SLC4A4: variants seen among roughly 807,000 people sequenced by gnomAD.
SLC4A4 encodes electrogenic sodium bicarbonate cotransporter 1.
In SLC4A4, 27 loss-of-function variants were observed where a neutral mutation model predicts 111.5. That is an observed-to-expected ratio of 0.24 (90% confidence interval 0.18 to 0.33). SLC4A4 has a LOEUF of 0.33. Ranked by LOEUF, SLC4A4 falls within the 10% of genes least tolerant of loss-of-function variation. The pLI, the probability that SLC4A4 is intolerant of heterozygous loss-of-function variation, is 1.00. For synonymous variants in SLC4A4, 443 were observed against 463.4 expected (o/e 0.96, Z 0.57); for missense variants, 909 against 1,315.5 (o/e 0.69, Z 4.78).
intron 2 of SLC4A4, among the ~76,000 whole-genome samples, chr4:71,146,137 G>A (rs1482251025): frequency 6.6e-6 from 1 of 152,084 alleles, no homozygotes; most frequent in African/African-American, 2.4e-5. Context: ...CAGAGATTCT[G>A]GTATGTTGTG....
intron 3 of SLC4A4, among the ~76,000 whole-genome samples, chr4:71,285,564 G>A (rs1177086167): frequency 6.6e-6 from 1 of 152,160 alleles, no homozygotes; most frequent in East Asian, 1.9e-4. Flanking sequence ...TGCTTATCTT[G>A]CAGGCACAGG....
intron 2 of SLC4A4, among the ~76,000 whole-genome samples, chr4:71,178,284 A>T (rs978368179): frequency 3.1e-5 from 4 of 129,714 alleles, no homozygotes; most frequent in African/African-American, 1.1e-4. Flanking sequence ...TTAAAGTATA[A>T]AAAAAAAAGA....
chr4:71,256,976 C>T (rs1157494404), intron 3 of SLC4A4, among the ~76,000 whole-genome samples: 1 of 152,152 alleles, frequency 6.6e-6, no homozygotes, highest in African/African-American at 2.4e-5. Context: ...AAGAGGTGCT[C>T]ACCTAGACAA....
At chr4:71,285,961 A>C (rs1032914262) in intron 3 of SLC4A4, among the ~76,000 whole-genome samples, 4 of 152,108 alleles carry the variant, frequency 2.6e-5, no homozygotes, top group African/African-American at 9.7e-5. Flanking sequence ...ATTTCTGGCC[A>C]GGCGCAGTGG....
intron 1 of SLC4A4, among the ~76,000 whole-genome samples, chr4:71,204,214 A>G (rs1717603560): frequency 6.6e-6 from 1 of 152,158 alleles, no homozygotes; most frequent in Non-Finnish European, 1.5e-5. Flanking sequence ...TTTCCTGAAA[A>G]TTGATGATGA....
At chr4:71,114,232 C>T (rs542695111) in intron 2 of SLC4A4, among the ~76,000 whole-genome samples, 28 of 152,166 alleles carry the variant, frequency 1.8e-4, no homozygotes, top group South Asian at 4.2e-4. Flanking sequence ...GGTGACAGAG[C>T]GAGACTCGCT....
At chr4:71,536,592 G>C (rs1295663376) in intron 18 of SLC4A4, among the ~76,000 whole-genome samples, 1 of 149,976 alleles carries the variant, frequency 6.7e-6, no homozygotes, top group Admixed American at 6.7e-5. Context: ...TGCCTCCGGG[G>C]TTCAAGTGAT....
intron 2 of SLC4A4, among the ~76,000 whole-genome samples, chr4:71,240,623 G>A (rs141099293): frequency 1.9e-3 from 284 of 152,222 alleles, no homozygotes; most frequent in African/African-American, 6.6e-3. Context: ...GAGTGTTGTT[G>A]AAAATGCATG....
intron 24 of SLC4A4, among the ~76,000 whole-genome samples, chr4:71,564,346 A>T (rs961193826): frequency 4.6e-5 from 7 of 151,852 alleles, no homozygotes; most frequent in African/African-American, 1.7e-4. Context: ...ATTTGGAAAA[A>T]TTTAATTTTG....
intron 1 of SLC4A4, among the ~76,000 whole-genome samples, chr4:71,086,854 G>A (rs1463302178): frequency 6.6e-6 from 1 of 152,010 alleles, no homozygotes; most frequent in Non-Finnish European, 1.5e-5. Flanking sequence ...AGGGATATTG[G>A]TCTAAAATTC....
intron 3 of SLC4A4, among the ~76,000 whole-genome samples, chr4:71,265,526 C>T (rs541455565): frequency 6.6e-6 from 1 of 152,166 alleles, no homozygotes; most frequent in East Asian, 1.9e-4. Context: ...AGAATGCCAT[C>T]AAGAAAGACA....
intron 2 of SLC4A4, among the ~76,000 whole-genome samples, chr4:71,238,075 A>G (rs1719934238): frequency 6.6e-6 from 1 of 152,202 alleles, no homozygotes; most frequent in African/African-American, 2.4e-5. Flanking sequence ...GATACAAGCA[A>G]AGAGGAGTTA....
At chr4:71,551,590 A>G (rs565273483) in intron 20 of SLC4A4, among the ~76,000 whole-genome samples, 7 of 151,984 alleles carry the variant, frequency 4.6e-5, no homozygotes, top group Non-Finnish European at 8.8e-5. Flanking sequence ...CGTAAATAAT[A>G]GAGTCAAAAT....
At chr4:71,497,301 G>T (rs1730502474) in intron 15 of SLC4A4, among the ~76,000 whole-genome samples, 200 bp from the exon 16 acceptor site, 1 of 152,004 alleles carries the variant, frequency 6.6e-6, no homozygotes, top group African/African-American at 2.4e-5. Flanking sequence ...CATTCTCATT[G>T]TATTTTCAAC....
Position 71,472,840 on chromosome 4 carries a change from G to C in SLC4A4, c.1773G>C (p.Leu591=). ...TCACGGAGGAGGGCTTTTCCTCTCT[G>C]ATTAGCTTCATCTTTATCTATGATG... ...TRFTEEGFSS[L]ISFIFIYDAF... is the part of the protein sequence containing the mutation. The change falls in exon 14 of 26, where the codon CTG becomes CTC. Residue 591 remains leucine, a synonymous_variant. Coordinates refer to ENST00000264485, the MANE Select transcript of SLC4A4 (RefSeq NM_001098484.3). 6.2e-7 allele frequency: 1 copy of C among 1,612,904 alleles called. No homozygotes were observed.
At chr4:71,330,324 T>A (rs1054532601) in intron 3 of SLC4A4, among the ~76,000 whole-genome samples, 1 of 152,184 alleles carries the variant, frequency 6.6e-6, no homozygotes, top group African/African-American at 2.4e-5. Context: ...TCTCATAGAA[T>A]GAGTTTGGAA....
chr4:71,537,419 A>ATAT lies in SLC4A4; in HGVS notation c.2442+3032_2442+3034dup, dbSNP rs1676811223. Among the ~76,000 whole-genome samples the ATAT allele has an allele frequency of 3.9e-5, 4 of 103,442 alleles. No homozygotes were observed. The East Asian group carries it at 1.1e-3, about 30-fold the overall frequency. 67.9% of individuals were successfully genotyped at this position (103,442 alleles called of 152,430 possible). A position where few individuals can be genotyped will look rare whatever the true frequency, so the allele number is the denominator to read the frequency against. Reference sequence around the variant, plus strand: ...ATATATTATACATATATGTGTGTATATATACATATATGTGTGTGTGTGTGT... The same window carrying ATAT: ...ATATATTATACATATATGTGTGTATATATTATACATATATGTGTGTGTGTGTGT... On this transcript the variant is annotated intron_variant, in intron 18 of 25. Transcript: ENST00000264485.
At chr4:71,545,542 CA>C (rs1434177216) in intron 18 of SLC4A4, among the ~76,000 whole-genome samples, 1 of 151,954 alleles carries the variant, frequency 6.6e-6, no homozygotes, top group East Asian at 1.9e-4. Flanking sequence ...ATTGCGGACA[CA>C]TTTAACAATA....
At chr4:71,204,763 A>G (rs142870927) in intron 1 of SLC4A4, among the ~76,000 whole-genome samples, 11 of 152,290 alleles carry the variant, frequency 7.2e-5, no homozygotes, top group African/African-American at 2.6e-4. Flanking sequence ...TTCTAGTCTA[A>G]CTTAACCTTG....
Sources: allele counts gnomAD v4.1 joint callset (sites outside exome capture counted in the v4.1 genomes callset), GRCh38; gene constraint gnomAD v4.1.1; transcripts MANE v1.5; gene names NCBI Gene and HGNC (gene_info 2026-07-23, HGNC 2026-07-21).